The following ZFAT variants were observed in gnomAD, a reference collection of about 807,000 sequenced individuals.
ZFAT encodes zinc finger protein ZFAT.
A neutral mutation model predicts 117.7 loss-of-function variants in ZFAT; 64 were observed. That is an observed-to-expected ratio of 0.54 (90% confidence interval 0.44 to 0.67). The LOEUF (loss-of-function observed/expected upper bound fraction) is 0.67. Among genes scored for constraint, ZFAT ranks in the 30% least tolerant of loss-of-function variants. The pLI, the probability that ZFAT is intolerant of heterozygous loss-of-function variation, is 0.00. For missense variants in ZFAT, 1,433 were observed against 1,584.5 expected, an observed-to-expected ratio of 0.90 and a Z score of 1.62; for synonymous variants, 679 against 615.0, an observed-to-expected ratio of 1.10 and a Z score of -1.54.
chr8:134,529,021 T>C (rs989468772), intron 12 of ZFAT, among the ~76,000 whole-genome samples: 1 of 152,216 alleles, frequency 6.6e-6, no homozygotes, highest in African/African-American at 2.4e-5. Flanking sequence ...TAGAGAATGA[T>C]ATCTAATCTT....
chr8:134,600,670 TA>T lies in ZFAT; in HGVS notation c.2243-3del, dbSNP rs35184160. ...GCACTTGGTACCAAAAAAGTTTGCC[TA>T]AAAAAATATTTTCACATGAGAACAA... On this transcript the variant is annotated splice_polypyrimidine_tract_variant and splice_region_variant and intron_variant, in intron 6 of 15. Transcript: ENST00000377838. 1.9e-6 allele frequency: 3 copies of T among 1,568,386 alleles called. No individual in the cohort carries two copies. Among genetic ancestry groups the T allele is most frequent in the African/African-American group, 2.7e-5 (2 of 73,090 alleles).
At chr8:134,715,320 A>G (rs1178439129), upstream of ZFAT, among the ~76,000 whole-genome samples, 5 of 152,240 alleles carry the variant, frequency 3.3e-5, no homozygotes, top group Admixed American at 2.6e-4. Context: ...TTGGAAAGCT[A>G]TGATTTTCTC....
intron 10 of ZFAT, among the ~76,000 whole-genome samples, chr8:134,570,148 G>A (rs555687375): frequency 2.0e-5 from 3 of 152,218 alleles, no homozygotes; most frequent in South Asian, 2.1e-4. Context: ...CCCAGAGCCC[G>A]GGGTGTCCAT....
At chr8:134,698,691 C>CGGA (rs1833938447) in intron 1 of ZFAT, among the ~76,000 whole-genome samples, 1 of 152,130 alleles carries the variant, frequency 6.6e-6, no homozygotes, top group Non-Finnish European at 1.5e-5. Context: ...CAGAACCAGC[C>CGGA]TCCCGGACAC....
intron 11 of ZFAT, among the ~76,000 whole-genome samples, chr8:134,563,237 G>C (rs1824174930): frequency 6.6e-6 from 1 of 152,246 alleles, no homozygotes; most frequent in South Asian, 2.1e-4. Context: ...CTCACAGTCA[G>C]TACGGGTGGT....
chr8:134,566,706 A>T (rs919628716), intron 10 of ZFAT, among the ~76,000 whole-genome samples: 1 of 152,066 alleles, frequency 6.6e-6, no homozygotes, highest in Non-Finnish European at 1.5e-5. Context: ...TTTCCCTCTT[A>T]GATATTCCCC....
At chr8:134,480,420 T>G (rs1312544238) in intron 15 of ZFAT, among the ~76,000 whole-genome samples, 1 of 152,210 alleles carries the variant, frequency 6.6e-6, no homozygotes, top group Non-Finnish European at 1.5e-5. Context: ...CACAACTGTT[T>G]CCCCAGAGCC....
chr8:134,655,985 CGG>C (rs1831579090), intron 2 of ZFAT, among the ~76,000 whole-genome samples: 1 of 152,086 alleles, frequency 6.6e-6, no homozygotes, highest in African/African-American at 2.4e-5. Context: ...GCCCAAAAGG[CGG>C]AGGTGACTAA....
the ZFAT span, among the ~76,000 whole-genome samples, chr8:134,756,380 C>T: frequency 0.026 from 3,937 of 152,306 alleles, 150 homozygotes; most frequent in African/African-American, 0.087. Flanking sequence ...AGGAATGAAA[C>T]GTTCAGGAAC....
At chr8:134,644,606 C>A (rs1254324163) in intron 2 of ZFAT, among the ~76,000 whole-genome samples, 1 of 151,924 alleles carries the variant, frequency 6.6e-6, no homozygotes, top group Non-Finnish European at 1.5e-5. Flanking sequence ...ACCACATACA[C>A]ATGTGCACAC....
At chr8:134,626,747 T>A (rs1011135730) in intron 3 of ZFAT, among the ~76,000 whole-genome samples, 1 of 152,260 alleles carries the variant, frequency 6.6e-6, no homozygotes. Flanking sequence ...GAGCTCCCCA[T>A]GGGCTCAAGG....
chr8:134,514,634 G>A (rs1410803659), intron 13 of ZFAT, among the ~76,000 whole-genome samples: 1 of 152,066 alleles, frequency 6.6e-6, no homozygotes, highest in Non-Finnish European at 1.5e-5. Context: ...ATGGCTCAAG[G>A]GCAAGCAGTT....
chr8:134,781,259 C>T, the ZFAT span, among the ~76,000 whole-genome samples: 732 of 152,150 alleles, frequency 4.8e-3, 5 homozygotes, highest in African/African-American at 0.016. Flanking sequence ...CAGAGTAACT[C>T]GGACTACTGA....
chr8:134,546,534 T>C (rs1324341240), intron 11 of ZFAT, among the ~76,000 whole-genome samples: 1 of 152,212 alleles, frequency 6.6e-6, no homozygotes, highest in South Asian at 2.1e-4. Flanking sequence ...CAGTTACTTC[T>C]GAGACTTAGA....
chr8:134,712,733 G>A, intron 1 of ZFAT, 112 bp downstream of exon 1: 6 of 1,055,248 alleles, frequency 5.7e-6, no homozygotes, highest in Non-Finnish European at 6.3e-6. Flanking sequence ...CCGGCGGCCG[G>A]CGGCCGGCGG....
intron 15 of ZFAT, among the ~76,000 whole-genome samples, chr8:134,496,476 G>A (rs1247084105): frequency 1.3e-5 from 2 of 152,228 alleles, no homozygotes; most frequent in Non-Finnish European, 2.9e-5. Context: ...GAGGCCTGCA[G>A]CTCCTGTGGT....
chr8:134,625,485 G>C (rs569590283), intron 3 of ZFAT, among the ~76,000 whole-genome samples: 1 of 152,176 alleles, frequency 6.6e-6, no homozygotes, highest in Non-Finnish European at 1.5e-5. Flanking sequence ...TCCAGGAAAC[G>C]CTCCAGCAAG....
chr8:134,717,539 A>G (rs1352686272), upstream of ZFAT, among the ~76,000 whole-genome samples: 1 of 113,984 alleles, frequency 8.8e-6, no homozygotes, highest in Non-Finnish European at 1.6e-5. Flanking sequence ...GCTGGAGTGC[A>G]GTTGTGCCAT....
At chr8:134,743,644 T>C in the ZFAT span, among the ~76,000 whole-genome samples, 1 of 152,224 alleles carries the variant, frequency 6.6e-6, no homozygotes, top group Non-Finnish European at 1.5e-5. Context: ...GTCTTTGTAA[T>C]CAGCCTGCTG....
Sources: gnomAD v4.1 joint callset for allele counts (sites outside exome capture counted in the v4.1 genomes callset) on GRCh38, gnomAD v4.1.1 for gene constraint, MANE v1.5 for transcripts, NCBI Gene and HGNC (gene_info 2026-07-23, HGNC 2026-07-21) for gene names.